The following NASP variants were observed in gnomAD, a reference collection of about 807,000 sequenced individuals.
NASP encodes the protein nuclear autoantigenic sperm protein, also known as NASP histone chaperone.
Under a neutral mutation model 89.5 loss-of-function variants are expected in NASP, and 24 were observed. That is an observed-to-expected ratio of 0.27 (90% CI 0.19 to 0.38). The LOEUF is 0.38. Among genes scored for constraint, NASP ranks in the 10% least tolerant of loss-of-function variants. NASP has a pLI of 1.00. For missense variants in NASP, 848 were observed against 921.4 expected (o/e 0.92, Z 1.03); for synonymous variants, 306 against 324.7 (o/e 0.94, Z 0.62).
intron 1 of NASP, among the ~76,000 whole-genome samples, chr1:45,586,302 TGTGTGTG>T (rs1644548364): frequency 1.4e-4 from 17 of 123,684 alleles, no homozygotes; most frequent in African/African-American, 5.5e-4. Context: ...TGTGTGTGTG[TGTGTGTG>T]GTGTGTGTGT....
At chr1:45,602,875 T>TG (rs1643870237) in intron 3 of NASP, among the ~76,000 whole-genome samples, 1 of 152,202 alleles carries the variant, frequency 6.6e-6, no homozygotes, top group African/African-American at 2.4e-5. Context: ...TCGTCCACCT[T>TG]GGCCTCCCAG....
At chr1:45,591,343 T>A in intron 2 of NASP, 73 bp downstream of exon 2, 2 of 1,035,714 alleles carry the variant, frequency 1.9e-6, no homozygotes, top group Non-Finnish European at 2.8e-6. Flanking sequence ...TTAAAGTTAT[T>A]TTTATTTTTT....
intron 1 of NASP, chr1:45,588,781 A>G: frequency 3.7e-6 from 1 of 273,108 alleles, no homozygotes; most frequent in Non-Finnish European, 7.3e-6. Context: ...TACTAAAAAT[A>G]CAAAAAAAAA....
Position 45,595,452 on chromosome 1 carries a change from A to G in NASP, c.107+4182A>G, listed in dbSNP as rs112306428. Among the ~76,000 whole-genome samples, 186 of 152,282 alleles carry G rather than the reference A, an allele frequency of 1.2e-3. 4 individuals carry two copies. Among genetic ancestry groups the G allele is most frequent in the African/African-American group, 4.4e-3 (183 of 41,560 alleles). ...TAAACAATATGAAGAGAAATTTCTTAACACTGTGCCATAAATCTGTGCCCA... is the reference window on the plus strand; with the variant it reads ...TAAACAATATGAAGAGAAATTTCTTGACACTGTGCCATAAATCTGTGCCCA... On this transcript the variant is annotated intron_variant, in intron 2 of 14. Transcript: ENST00000350030.
At chr1:45,601,745 ATTTTTTTTTTTTTTTTT>A (rs71056316) in intron 2 of NASP, among the ~76,000 whole-genome samples, 3 of 68,930 alleles carry the variant, frequency 4.4e-5, no homozygotes, top group Admixed American at 2.7e-4. Flanking sequence ...CGTTAAGAGA[ATTTTTTTTTTTTTTTTT>A]TTTTTTTTTT....
intron 2 of NASP, among the ~76,000 whole-genome samples, chr1:45,597,533 A>G (rs1643729776): frequency 6.6e-6 from 1 of 152,160 alleles, no homozygotes; most frequent in African/African-American, 2.4e-5. Flanking sequence ...GTAAAAATGT[A>G]AAACAGTGCC....
At chr1:45,616,601 T>C in intron 12 of NASP, 25 bp from the exon 13 acceptor site, 1 of 1,607,866 alleles carries the variant, frequency 6.2e-7, no homozygotes, top group East Asian at 2.2e-5. Context: ...CTTGTACAAT[T>C]GCTAATAAGG....
chr1:45,591,472 A>G (rs2991981), intron 2 of NASP, among the ~76,000 whole-genome samples: 106,689 of 152,056 alleles, frequency 0.7, 37,535 homozygotes, highest in Non-Finnish European at 0.71. Flanking sequence ...TCCCACTTCA[A>G]CCTCCTGAGT....
In NASP at chr1:45,618,314, A is replaced by C. The variant is rs1348806240; in HGVS notation, c.*173A>C. The C allele has an allele frequency of 3.6e-6, 2 of 557,770 alleles. No individual in the cohort carries two copies. Among genetic ancestry groups the C allele is most frequent in the Non-Finnish European group, 6.5e-6 (2 of 306,956 alleles). 34.6% of individuals were successfully genotyped at this position (557,770 alleles called of 1,614,324 possible). A position where few individuals can be genotyped will look rare whatever the true frequency, so the allele number is the denominator to read the frequency against. On this transcript the variant is annotated 3_prime_UTR_variant, in exon 15 of 15. Coordinates refer to ENST00000350030, the MANE Select transcript of NASP (RefSeq NM_002482.4). ...TCTGCCTTGGAGCACTGCTGGTTTT[A>C]TATATTAGCCAAAGGTTTTGTTCTG...
intron 6 of NASP, chr1:45,610,064 TG>T (rs1569591695): frequency 6.6e-6 from 1 of 152,194 alleles, no homozygotes. Context: ...CTGGACGTGG[TG>T]GCATGCGCCT....
In NASP at chr1:45,618,152, A is replaced by G; in HGVS notation, c.*11A>G. The G allele has an allele frequency of 6.3e-7, 1 of 1,575,734 alleles. No individual in the cohort carries two copies. On this transcript the variant is annotated 3_prime_UTR_variant, in exon 15 of 15. Transcript: ENST00000350030. ...AGCACTGCATGTTAAGAGGGGGCAC[A>G]GCCCTCCTCCCAAGGGAAAGTGTTT...
At chr1:45,612,943 A>AT in intron 6 of NASP, 1 of 419,322 alleles carries the variant, frequency 2.4e-6, no homozygotes, top group Non-Finnish European at 3.9e-6. Flanking sequence ...CAGCCTTTTA[A>AT]TTGCTGAAGG....
At chr1:45,614,032 G>C in intron 7 of NASP, 64 bp from the exon 8 acceptor site, 7 of 1,314,420 alleles carry the variant, frequency 5.3e-6, no homozygotes, top group Admixed American at 1.9e-5. Context: ...GCTACGCTAA[G>C]TTATACATTT....
chr1:45,592,749 G>C (rs1037274137), intron 2 of NASP: 2 of 151,646 alleles, frequency 1.3e-5, no homozygotes, highest in African/African-American at 4.9e-5. Context: ...TCCTGACCTC[G>C]GGCGATCTGC....
In NASP at chr1:45,603,401, G is replaced by GT. The variant is rs1388223166; in HGVS notation, c.218+1039dup. Among the ~76,000 whole-genome samples, 10 of 152,250 alleles carry GT rather than the reference G, an allele frequency of 6.6e-5. No homozygotes were observed. In the East Asian group the frequency reaches 1.9e-3, roughly 29 times the overall value. ...ATAAAAGAAATGGTTATAACAAAGC[G>GT]TTTGTGGGTTTCAGGTTTGACGCTT... is the stretch of plus-strand genomic sequence containing the variant. On this transcript the variant is annotated intron_variant, in intron 3 of 14. Coordinates refer to ENST00000350030, the MANE Select transcript of NASP (RefSeq NM_002482.4).
rs186062064 is a variant in NASP, at chr1:45,605,146, G to A, written c.299+130G>A. On this transcript the variant is annotated intron_variant, in intron 4 of 14. Transcript: ENST00000350030. ...GAAGGAGCTTGAAGTAGTGATGGAA[G>A]TTGTGAATGGCACTTGATACAATTA... The A allele has an allele frequency of 6.4e-4, 451 of 705,862 alleles. 2 individuals carry two copies. Among genetic ancestry groups the A allele is most frequent in the Middle Eastern group, 6.2e-3 (20 of 3,246 alleles). The allele number at this position is 705,862 out of a possible 1,614,324, so 43.7% of individuals were successfully genotyped here.
At chr1:45,594,866 CATT>C in intron 2 of NASP, 1 of 310,216 alleles carries the variant, frequency 3.2e-6, no homozygotes, top group South Asian at 2.5e-5. Flanking sequence ...TTGGAAAACA[CATT>C]ATTAGTCTCA....
chr1:45,586,159 G>A (rs922265458), intron 1 of NASP, among the ~76,000 whole-genome samples: 1 of 152,040 alleles, frequency 6.6e-6, no homozygotes, highest in Admixed American at 6.5e-5. Flanking sequence ...CTGGGTGTGT[G>A]GGGGTGGGGG....
chr1:45,588,842 G>A (rs777840357), intron 1 of NASP: 11 of 246,422 alleles, frequency 4.5e-5, no homozygotes, highest in Non-Finnish European at 7.4e-5. Flanking sequence ...GCGTGAACCC[G>A]GGAGGCGGAG....
Sources: allele counts gnomAD v4.1 joint callset (sites outside exome capture counted in the v4.1 genomes callset), GRCh38; gene constraint gnomAD v4.1.1; transcripts MANE v1.5; gene names NCBI Gene and HGNC (gene_info 2026-07-23, HGNC 2026-07-21).